PACS1: variants seen among roughly 807,000 people sequenced by gnomAD.
PACS1 encodes PACS-1.
Under a neutral mutation model 115.0 loss-of-function variants are expected in PACS1, and 24 were observed. That is an observed-to-expected ratio of 0.21 (90% CI 0.15 to 0.29). The LOEUF is 0.29. PACS1 is among the 10% of genes least tolerant of loss of function. The probability of loss-of-function intolerance (pLI) is 1.00; values close to 1 mark genes in which losing one functional copy is unlikely to be tolerated. For synonymous variants in PACS1, 453 were observed against 504.5 expected (o/e 0.90, Z 1.37); for missense variants, 838 against 1,251.2 (o/e 0.67, Z 4.98).
At chr11:66,225,329 C>T (rs1161244325) in intron 10 of PACS1, among the ~76,000 whole-genome samples, 1 of 152,194 alleles carries the variant, frequency 6.6e-6, no homozygotes, top group African/African-American at 2.4e-5. Context: ...TGGTCAGACA[C>T]AGCTGGAGTC....
chr11:66,161,663 G>T (rs1318176260), intron 1 of PACS1, among the ~76,000 whole-genome samples: 1 of 152,134 alleles, frequency 6.6e-6, no homozygotes, highest in Non-Finnish European at 1.5e-5. Flanking sequence ...AATAAAAAAA[G>T]ATCCTATTAC....
chr11:66,176,661 G>T (rs1647676532), intron 1 of PACS1, among the ~76,000 whole-genome samples: 1 of 152,130 alleles, frequency 6.6e-6, no homozygotes. Flanking sequence ...TGATCCGCCT[G>T]CCTCCGCCTC....
At chr11:66,206,754 A>T (rs1854949416) in intron 2 of PACS1, among the ~76,000 whole-genome samples, 1 of 152,184 alleles carries the variant, frequency 6.6e-6, no homozygotes, top group South Asian at 2.1e-4. Flanking sequence ...GGTTGAGAAG[A>T]TGACATTTAC....
chr11:66,110,604 C>T (rs1435066916), intron 1 of PACS1, among the ~76,000 whole-genome samples: 1 of 152,176 alleles, frequency 6.6e-6, no homozygotes, highest in East Asian at 1.9e-4. Flanking sequence ...AAGGGTCTCA[C>T]TCTGGTTGCC....
chr11:66,131,556 A>C (rs574665627), intron 1 of PACS1, among the ~76,000 whole-genome samples: 3 of 152,236 alleles, frequency 2.0e-5, no homozygotes, highest in African/African-American at 7.2e-5. Flanking sequence ...ATTCAGCAGA[A>C]ATCTTTTGTT....
chr11:66,145,544 G>A (rs1859101380), intron 1 of PACS1, among the ~76,000 whole-genome samples: 1 of 152,172 alleles, frequency 6.6e-6, no homozygotes. Context: ...CAGTTACAGA[G>A]GGGTCTGAAG....
At chr11:66,169,210 A>G (rs1404663520) in intron 1 of PACS1, among the ~76,000 whole-genome samples, 2 of 150,624 alleles carry the variant, frequency 1.3e-5, no homozygotes, top group African/African-American at 5.0e-5. Context: ...CAAGGAATGT[A>G]TTCTATTCCA....
intron 4 of PACS1, 80 bp from the exon 5 acceptor site, chr11:66,216,038 TG>T: frequency 7.3e-7 from 1 of 1,365,822 alleles, no homozygotes; most frequent in Non-Finnish European, 1.0e-6. Flanking sequence ...CTGTTGCCCC[TG>T]GGGTCTTGTG....
chr11:66,107,825 A>G (rs1858085954), intron 1 of PACS1, among the ~76,000 whole-genome samples: 1 of 152,244 alleles, frequency 6.6e-6, no homozygotes, highest in African/African-American at 2.4e-5. Flanking sequence ...CAAGTATTAC[A>G]ACAGTCTGGC....
chr11:66,166,295 C>G (rs1859600313), intron 1 of PACS1, among the ~76,000 whole-genome samples: 1 of 152,050 alleles, frequency 6.6e-6, no homozygotes, highest in Admixed American at 6.5e-5. Flanking sequence ...CTACAGGTGC[C>G]CGCCACTACA....
At position 66,238,789 on chromosome 11, in the gene PACS1, C is replaced by A; in HGVS notation, c.2251-15C>A. The A allele has an allele frequency of 6.3e-7, 1 of 1,582,106 alleles. No individual in the cohort carries two copies. The highest frequency in any genetic ancestry group is 2.3e-5 in the East Asian group (1 of 43,862). On this transcript the variant is annotated splice_polypyrimidine_tract_variant and intron_variant, in intron 19 of 23. Coordinates refer to ENST00000320580, the MANE Select transcript of PACS1 (RefSeq NM_018026.4). The stretch of plus-strand genomic sequence containing the variant: ...TAACAGGAGGATCTAATGAGTGCCT[C>A]TTCTCTCCTTGCAGGTGGTGAAGGT...
chr11:66,208,460 A>C (rs1174952699), intron 2 of PACS1, among the ~76,000 whole-genome samples: 2 of 152,134 alleles, frequency 1.3e-5, no homozygotes, highest in Non-Finnish European at 2.9e-5. Flanking sequence ...TCTACAAATA[A>C]AAAATAAAAA....
intron 1 of PACS1, among the ~76,000 whole-genome samples, chr11:66,086,390 G>A (rs566073538): frequency 7.9e-5 from 12 of 151,906 alleles, no homozygotes; most frequent in African/African-American, 1.9e-4. Context: ...CACCCGCCTC[G>A]GCCTCCCAAA....
intron 22 of PACS1, 22 bp downstream of exon 22, chr11:66,241,675 GAAGACC>G: frequency 6.3e-7 from 1 of 1,582,142 alleles, no homozygotes; most frequent in Admixed American, 1.7e-5. Flanking sequence ...CAAGGCCGGG[GAAGACC>G]ATGGGCCACC....
intron 2 of PACS1, among the ~76,000 whole-genome samples, chr11:66,206,658 A>G (rs984462567): frequency 3.9e-5 from 6 of 152,240 alleles, no homozygotes; most frequent in East Asian, 3.8e-4. Context: ...GTGATGTCCT[A>G]TAGTGACAAT....
At chr11:66,131,100 A>G (rs1858690733) in intron 1 of PACS1, among the ~76,000 whole-genome samples, 1 of 152,150 alleles carries the variant, frequency 6.6e-6, no homozygotes, top group Admixed American at 6.5e-5. Context: ...AAATAAATTA[A>G]TAAGAAGATC....
At chr11:66,087,649 G>C (rs1857595332) in intron 1 of PACS1, among the ~76,000 whole-genome samples, 1 of 152,188 alleles carries the variant, frequency 6.6e-6, no homozygotes, top group African/African-American at 2.4e-5. Context: ...TGTATTCCAT[G>C]GTGTGAGTAT....
intron 1 of PACS1, among the ~76,000 whole-genome samples, chr11:66,147,886 C>A (rs901128249): frequency 3.3e-5 from 5 of 152,000 alleles, no homozygotes; most frequent in Non-Finnish European, 7.4e-5. Flanking sequence ...ATGATGGATA[C>A]CCCATTTACC....
rs1191790709 is a variant in PACS1 at position 66,070,894 on chromosome 11, G to A, written c.356+52G>A. 10 of 1,378,936 alleles carry A rather than the reference G, an allele frequency of 7.3e-6. No homozygotes were observed. The highest frequency in any genetic ancestry group is 9.3e-6 in the Non-Finnish European group (10 of 1,075,260). The allele number at this position is 1,378,936 out of a possible 1,614,324, so 85.4% of individuals were successfully genotyped here. On this transcript the variant is annotated intron_variant, in intron 1 of 23. Transcript: ENST00000320580. The surrounding 1 kb of genome is among the most constrained non-coding windows in gnomAD (Gnocchi z 5.9). ...GCCGGGGGAGCGGGGTGGCCGCCGG[G>A]GCCCAGCCCTCCCCGCCCCAGCGCC...
Sources: gnomAD v4.1 joint callset for allele counts (sites outside exome capture counted in the v4.1 genomes callset) on GRCh38, gnomAD v4.1.1 for gene constraint, Gnocchi (gnomAD v3.1) non-coding constraint, MANE v1.5 for transcripts, NCBI Gene and HGNC (gene_info 2026-07-23, HGNC 2026-07-21) for gene names.